CENPP: variants seen among roughly 807,000 people sequenced by gnomAD.
CENPP encodes the protein centromere protein P.
Under a neutral mutation model 35.6 loss-of-function variants are expected in CENPP, and 24 were observed. That is an observed-to-expected ratio of 0.67 (90% CI 0.49 to 0.95). The LOEUF (loss-of-function observed/expected upper bound fraction) is 0.95, where lower values mean the gene tolerates loss of function less well. Among genes scored for constraint, CENPP ranks in the 40% least tolerant of loss-of-function variants. The probability of loss-of-function intolerance (pLI) is 0.00; values close to 1 mark genes in which losing one functional copy is unlikely to be tolerated. For missense variants in CENPP, 332 were observed against 345.3 expected (o/e 0.96, Z 0.31); for synonymous variants, 120 against 125.5 (o/e 0.96, Z 0.29).
At chr9:92,553,641 C>G (rs1434742574) in intron 5 of CENPP, among the ~76,000 whole-genome samples, 1 of 151,950 alleles carries the variant, frequency 6.6e-6, no homozygotes, top group Non-Finnish European at 1.5e-5. Context: ...TAGGTATATT[C>G]CTAAATATTT....
intron 5 of CENPP, among the ~76,000 whole-genome samples, chr9:92,577,613 G>A (rs925560740): frequency 7.2e-5 from 11 of 151,974 alleles, no homozygotes; most frequent in African/African-American, 2.2e-4. Context: ...GCATACTTAA[G>A]TAAGGAAAAA....
intron 3 of CENPP, chr9:92,340,184 T>G (rs1841067010): frequency 6.5e-6 from 1 of 152,676 alleles, no homozygotes; most frequent in Non-Finnish European, 1.5e-5. Flanking sequence ...GGAGAGAAGC[T>G]CCGTTGTGGG....
chr9:92,572,780 G>T, intron 5 of CENPP, among the ~76,000 whole-genome samples: 1 of 152,096 alleles, frequency 6.6e-6, no homozygotes. Context: ...TGGAGGCTTT[G>T]TTCATTTCTT....
chr9:92,551,504 A>ATTTAT (rs533187767), intron 5 of CENPP, among the ~76,000 whole-genome samples: 41 of 152,104 alleles, frequency 2.7e-4, no homozygotes, highest in Middle Eastern at 6.8e-3. Flanking sequence ...CACCTGGCTA[A>ATTTAT]TTTATTTTAT....
intron 4 of CENPP, among the ~76,000 whole-genome samples, chr9:92,362,609 C>A (rs1041291579): frequency 7.9e-5 from 12 of 152,104 alleles, no homozygotes; most frequent in Non-Finnish European, 1.5e-4. Flanking sequence ...CTAATTTTTT[C>A]TCCTTTGGCT....
intron 5 of CENPP, among the ~76,000 whole-genome samples, chr9:92,380,840 G>A (rs144178406): frequency 4.0e-4 from 61 of 152,302 alleles, no homozygotes; most frequent in African/African-American, 1.4e-3. Flanking sequence ...TTATGCATTT[G>A]AATGGGTGAT....
chr9:92,513,642 T>C (rs1433119149), intron 5 of CENPP, among the ~76,000 whole-genome samples: 1 of 152,090 alleles, frequency 6.6e-6, no homozygotes, highest in African/African-American at 2.4e-5. Flanking sequence ...CAAAACAAAA[T>C]GGGTGGCTTT....
chr9:92,401,059 G>T (rs1443280634), intron 5 of CENPP: 1 of 986,114 alleles, frequency 1.0e-6, no homozygotes, highest in South Asian at 1.4e-5. Context: ...ATTTTTAAAA[G>T]ATCCATTTGA....
chr9:92,453,626 C>G (rs1844782722), intron 5 of CENPP, among the ~76,000 whole-genome samples: 2 of 151,874 alleles, frequency 1.3e-5, no homozygotes, highest in South Asian at 4.2e-4. Context: ...ACTTAGACTC[C>G]CACACAATAA....
chr9:92,494,381 T>G (rs1846258438), intron 5 of CENPP, among the ~76,000 whole-genome samples: 1 of 152,216 alleles, frequency 6.6e-6, no homozygotes, highest in Non-Finnish European at 1.5e-5. Flanking sequence ...TATCTTCTTG[T>G]TTTTACCTGT....
chr9:92,607,435 G>A (rs1404453803), intron 5 of CENPP, among the ~76,000 whole-genome samples: 1 of 152,156 alleles, frequency 6.6e-6, no homozygotes, highest in Non-Finnish European at 1.5e-5. Flanking sequence ...GGGACTAGGG[G>A]CAATAGCTAA....
intron 2 of CENPP, among the ~76,000 whole-genome samples, chr9:92,335,605 G>A (rs542434272): frequency 1.4e-3 from 208 of 151,500 alleles, no homozygotes; most frequent in African/African-American, 4.6e-3. Context: ...TTTGCATATG[G>A]ATGTTCAGTT....
At chr9:92,347,505 G>A (rs939115873) in intron 4 of CENPP, among the ~76,000 whole-genome samples, 6 of 152,180 alleles carry the variant, frequency 3.9e-5, no homozygotes, top group Non-Finnish European at 7.3e-5. Context: ...ATTCAACTAC[G>A]TGTAAGTTAC....
intron 3 of CENPP, among the ~76,000 whole-genome samples, chr9:92,343,686 C>G (rs2130799624): frequency 6.6e-6 from 1 of 152,308 alleles, no homozygotes; most frequent in East Asian, 1.9e-4. Context: ...TGGCTCACGC[C>G]TATAATCTCA....
chr9:92,532,006 TTATTTAATGTTTTTTTTTTTTTATTTTA>T, intron 5 of CENPP, among the ~76,000 whole-genome samples: 1 of 145,570 alleles, frequency 6.9e-6, no homozygotes, highest in East Asian at 1.9e-4. Context: ...TTTTCTTTTT[TTATTTAATGTTTTTTTTTTTTTATTTTA>T]TTTTTTTTTT....
At position 92,439,504 on chromosome 9, in the gene CENPP, G is replaced by A. The variant is rs753176036; in HGVS notation, c.564+59645G>A. On this transcript the variant is annotated intron_variant, in intron 5 of 7. Transcript: ENST00000375587. ...GTCACAGTGGCTGACCAGCATGGGA[G>A]GCCCTGGCCACAGCTTTTCATGAGT... Among the ~76,000 whole-genome samples the A allele has an allele frequency of 1.0e-3, 155 of 152,278 alleles. 3 individuals carry two copies. In the Middle Eastern group the frequency reaches 0.037, roughly 37 times the overall value.
intron 5 of CENPP, among the ~76,000 whole-genome samples, chr9:92,382,550 C>T (rs1009796101): frequency 2.6e-5 from 4 of 151,658 alleles, no homozygotes; most frequent in African/African-American, 7.3e-5. Flanking sequence ...TCTTTTTTAC[C>T]TGTGTTTTTG....
intron 5 of CENPP, among the ~76,000 whole-genome samples, chr9:92,518,522 A>G (rs995421374): frequency 4.6e-5 from 7 of 152,206 alleles, no homozygotes; most frequent in African/African-American, 1.7e-4. Context: ...GTGCTTCTCA[A>G]TGAGACACTG....
At chr9:92,382,868 T>TA (rs1842288331) in intron 5 of CENPP, among the ~76,000 whole-genome samples, 2 of 151,228 alleles carry the variant, frequency 1.3e-5, no homozygotes, top group Non-Finnish European at 2.9e-5. Context: ...ATGTCTGTAC[T>TA]TACGCTAGTA....
Sources: allele counts gnomAD v4.1 joint callset (sites outside exome capture counted in the v4.1 genomes callset), GRCh38; gene constraint gnomAD v4.1.1; transcripts MANE v1.5; gene names NCBI Gene and HGNC (gene_info 2026-07-23, HGNC 2026-07-21).